The following ALK variants were observed in gnomAD, a reference collection of about 807,000 sequenced individuals.
ALK encodes the protein ALK receptor tyrosine kinase, also known as ALK tyrosine kinase receptor.
A neutral mutation model predicts 163.1 loss-of-function variants in ALK; 74 were observed. The ratio of observed to expected loss-of-function variants is 0.45; its 90% CI spans 0.38 to 0.55. The LOEUF is 0.55. Among genes scored for constraint, ALK ranks in the 20% least tolerant of loss-of-function variants. ALK has a pLI of 0.00. For missense variants in ALK, 2,063 were observed against 2,105.3 expected (o/e 0.98, Z 0.39); for synonymous variants, 960 against 843.2 (o/e 1.14, Z -2.40).
At chr2:29,281,238 A>G (rs13384055) in intron 9 of ALK, among the ~76,000 whole-genome samples, 17,519 of 152,254 alleles carry the variant, frequency 0.12, 1,085 homozygotes, top group African/African-American at 0.16. Flanking sequence ...GGGACAGGCC[A>G]TCCTAGAGAA....
chr2:29,288,994 A>T (rs1665944244), intron 9 of ALK, among the ~76,000 whole-genome samples: 1 of 150,348 alleles, frequency 6.7e-6, no homozygotes, highest in Non-Finnish European at 1.5e-5. Flanking sequence ...AAATAAATAA[A>T]TAAATAAAAG....
Position 29,193,915 on chromosome 2 carries a change from T to G in ALK, c.4172A>C (p.Asp1391Ala), listed in dbSNP as rs2148139166. 6.2e-7 allele frequency: 1 copy of G among 1,614,154 alleles called. No individual in the cohort carries two copies. Among genetic ancestry groups the G allele is most frequent in the Non-Finnish European group, 8.5e-7 (1 of 1,180,014 alleles). Residue 1391 changes from aspartate to alanine, a missense_variant, in exon 29 of 29, where the codon GAT becomes GCT. Physicochemically the swap from Asp to Ala is moderately radical, Grantham distance 126. Transcript: ENST00000389048. The part of the protein sequence containing the change: ...ERIEYCTQDP[D>A]VINTALPIEY... ...TATCGGCAAAGCGGTGTTGATTACATCCGGGTCCTGCCGTAGGGGAAATTA... is the reference window on the plus strand; with the variant it reads ...TATCGGCAAAGCGGTGTTGATTACAGCCGGGTCCTGCCGTAGGGGAAATTA...
chr2:29,906,441 G>T (rs1001011834), intron 1 of ALK, among the ~76,000 whole-genome samples: 8 of 152,118 alleles, frequency 5.3e-5, no homozygotes, highest in African/African-American at 1.7e-4. Context: ...GGATAGGAGA[G>T]AAAGAGGAGG....
chr2:29,788,113 A>G (rs1424167032), intron 1 of ALK, among the ~76,000 whole-genome samples: 2 of 152,238 alleles, frequency 1.3e-5, no homozygotes, highest in African/African-American at 4.8e-5. Context: ...TCTTTAGCCT[A>G]TGACCTGTCT....
At chr2:29,508,482 T>A (rs985915550) in intron 4 of ALK, among the ~76,000 whole-genome samples, 1 of 151,350 alleles carries the variant, frequency 6.6e-6, no homozygotes, top group African/African-American at 2.4e-5. Flanking sequence ...CACTCATAGG[T>A]GGGAATTGAA....
intron 4 of ALK, among the ~76,000 whole-genome samples, chr2:29,494,326 G>C (rs189500508): frequency 1.2e-4 from 18 of 152,302 alleles, no homozygotes; most frequent in Middle Eastern, 3.4e-3. Context: ...TGGTGAGGGA[G>C]AGCAGAATTT....
At chr2:29,870,970 C>A (rs191217726) in intron 1 of ALK, among the ~76,000 whole-genome samples, 1 of 152,322 alleles carries the variant, frequency 6.6e-6, no homozygotes, top group East Asian at 1.9e-4. Flanking sequence ...GCTTAGCTAA[C>A]CTCTTTTGGA....
chr2:29,570,308 A>G (rs6742561), intron 3 of ALK, among the ~76,000 whole-genome samples: 27,566 of 152,198 alleles, frequency 0.18, 2,778 homozygotes, highest in East Asian at 0.27. Context: ...TTGGAAGATG[A>G]TGTTTTAGGA....
At chr2:29,668,619 G>T (rs756903327) in intron 3 of ALK, among the ~76,000 whole-genome samples, 3 of 152,046 alleles carry the variant, frequency 2.0e-5, no homozygotes, top group Admixed American at 6.6e-5. Context: ...TACTTGATAT[G>T]ATTTTGAATT....
chr2:29,318,156 T>C lies in ALK; in HGVS notation c.1647+148A>G. 4.2e-6 allele frequency: 3 copies of C among 710,774 alleles called. No homozygotes were observed. The South Asian group carries it at 4.5e-5, about 11-fold the overall frequency. 44.0% of individuals were successfully genotyped at this position (710,774 alleles called of 1,614,324 possible). A position where few individuals can be genotyped will look rare whatever the true frequency, so the allele number is the denominator to read the frequency against. The stretch of plus-strand genomic sequence containing the variant: ...CTTTACCATGTTGATGGACATGCTC[T>C]GCCTCGAAGATGGCAGAGGTGGCCC... On this transcript the variant is annotated intron_variant, in intron 8 of 28. Transcript: ENST00000389048.
intron 9 of ALK, among the ~76,000 whole-genome samples, chr2:29,279,117 T>A (rs1282270166): frequency 2.0e-5 from 3 of 152,196 alleles, no homozygotes; most frequent in African/African-American, 7.2e-5. Flanking sequence ...CCACTGGGCC[T>A]CTTAGCATGG....
chr2:29,841,512 G>C (rs55757927), intron 1 of ALK, among the ~76,000 whole-genome samples: 26,226 of 152,144 alleles, frequency 0.17, 2,491 homozygotes, highest in Middle Eastern at 0.23. Context: ...ATAATAACCA[G>C]TACTGCCATT....
In ALK at chr2:29,223,694, T is replaced by C. The variant is rs964216144; in HGVS notation, c.3173-166A>G. ...TAATAAAATGATTAAAGAAGGTGTG[T>C]CTTTAATTGAAGCATGATTTAAAGT... On this transcript the variant is annotated intron_variant, in intron 19 of 28. Coordinates refer to ENST00000389048, the MANE Select transcript of ALK (RefSeq NM_004304.5). 31 of 644,232 alleles carry C rather than the reference T, an allele frequency of 4.8e-5. 1 individual carries two copies. The South Asian group carries it at 5.6e-4, about 12-fold the overall frequency. 39.9% of individuals were successfully genotyped at this position (644,232 alleles called of 1,614,324 possible). A position where few individuals can be genotyped will look rare whatever the true frequency, so the allele number is the denominator to read the frequency against.
intron 3 of ALK, among the ~76,000 whole-genome samples, chr2:29,673,161 T>C (rs1677759020): frequency 6.8e-6 from 1 of 146,434 alleles, no homozygotes; most frequent in Non-Finnish European, 1.5e-5. Context: ...TCTTTCGCTG[T>C]ACAGAAGCTC....
intron 3 of ALK, among the ~76,000 whole-genome samples, chr2:29,629,974 A>G (rs537262475): frequency 7.2e-4 from 109 of 152,276 alleles, no homozygotes; most frequent in African/African-American, 2.6e-3. Flanking sequence ...AACAGATTCC[A>G]TTTTCCTCCC....
At chr2:29,275,775 A>G (rs1665533058) in intron 9 of ALK, among the ~76,000 whole-genome samples, 1 of 152,138 alleles carries the variant, frequency 6.6e-6, no homozygotes, top group Non-Finnish European at 1.5e-5. Context: ...GGACTCCCTG[A>G]TAATCTGAGG....
chr2:29,277,326 AAGATGCTGGCTTGTT>A (rs1348255894), intron 9 of ALK, among the ~76,000 whole-genome samples: 4 of 152,228 alleles, frequency 2.6e-5, no homozygotes, highest in Non-Finnish European at 4.4e-5. Context: ...CAACGTGTAG[AAGATGCTGGCTTGTT>A]AGATGCTGGC....
chr2:29,761,341 C>T (rs573000086), intron 1 of ALK, among the ~76,000 whole-genome samples: 8 of 152,302 alleles, frequency 5.3e-5, no homozygotes, highest in African/African-American at 1.9e-4. Flanking sequence ...TGATGTGGGA[C>T]ATATTCCTTG....
chr2:29,222,725 A>G, intron 20 of ALK, 118 bp from the exon 21 acceptor site: 1 of 822,032 alleles, frequency 1.2e-6, no homozygotes, highest in Non-Finnish European at 2.0e-6. Context: ...CGGGGGTAAC[A>G]TACACACTCA....
Sources: allele counts gnomAD v4.1 joint callset (sites outside exome capture counted in the v4.1 genomes callset), GRCh38; gene constraint gnomAD v4.1.1; transcripts MANE v1.5; gene names NCBI Gene and HGNC (gene_info 2026-07-23, HGNC 2026-07-21).